CFAP77: variants seen among roughly 807,000 people sequenced by gnomAD.
CFAP77 encodes the protein cilia and flagella associated protein 77.
CFAP77 carries 25 observed loss-of-function variants against 31.1 expected under a neutral mutation model. The ratio of observed to expected loss-of-function variants is 0.80; its 90% confidence interval spans 0.59 to 1.12. The LOEUF (loss-of-function observed/expected upper bound fraction) is 1.12, where lower values mean the gene tolerates loss of function less well. CFAP77 is among the 50% of genes most tolerant of loss of function. The pLI is 0.00. For missense variants in CFAP77, 377 were observed against 397.3 expected (o/e 0.95, Z 0.44); for synonymous variants, 151 against 159.9 (o/e 0.94, Z 0.42).
intron 3 of CFAP77, among the ~76,000 whole-genome samples, chr9:132,515,274 G>A (rs929731882): frequency 6.6e-6 from 1 of 152,160 alleles, no homozygotes; most frequent in Non-Finnish European, 1.5e-5. Context: ...TCTGAGGGAA[G>A]GAGAGACTGT....
intron 1 of CFAP77, among the ~76,000 whole-genome samples, chr9:132,445,868 C>CAAAA (rs559749361): frequency 1.6e-5 from 1 of 64,364 alleles, no homozygotes; most frequent in Non-Finnish European, 3.4e-5. Context: ...GACTCGATCT[C>CAAAA]AAAAAAAAAA....
intron 3 of CFAP77, among the ~76,000 whole-genome samples, chr9:132,529,522 A>AAAAAAAC (rs1407183360): frequency 6.2e-5 from 8 of 129,766 alleles, no homozygotes; most frequent in African/African-American, 2.1e-4. Context: ...AAAAAAAACA[A>AAAAAAAC]AAAAAAAACT....
rs1253258457 is a variant in CFAP77 at position 132,410,284 on chromosome 9, A to C, written c.13A>C (p.Arg5=). MPEA[R]SSGPDLTRWR... ...GGCGACCTCAAGGATGCCAGAGGCC[A>C]GGAGCTCCGGCCCGGACCTCACGCG... The change falls in exon 1 of 6, where the codon AGG becomes CGG. Residue 5 remains arginine, a synonymous_variant. Transcript: ENST00000393216. 3 of 1,577,640 alleles carry C rather than the reference A, an allele frequency of 1.9e-6. No homozygotes were observed. Among genetic ancestry groups the C allele is most frequent in the Non-Finnish European group, 1.7e-6 (2 of 1,163,902 alleles).
At chr9:132,419,253 G>A (rs375559165) in intron 1 of CFAP77, among the ~76,000 whole-genome samples, 16 of 148,758 alleles carry the variant, frequency 1.1e-4, no homozygotes, top group African/African-American at 3.7e-4. Context: ...TGTGTGGATC[G>A]AAATCTTTTG....
At chr9:132,459,478 T>C (rs1412292358) in intron 1 of CFAP77, among the ~76,000 whole-genome samples, 1 of 151,164 alleles carries the variant, frequency 6.6e-6, no homozygotes, top group East Asian at 2.0e-4. Context: ...TGTATATGTA[T>C]TTGTGTGTAT....
rs1852610255 is a variant in CFAP77, at chr9:132,539,914, T to C, written c.630+2208T>C. On this transcript the variant is annotated intron_variant, in intron 4 of 5. Coordinates refer to ENST00000393216, the MANE Select transcript of CFAP77 (RefSeq NM_001282957.2). This position sits in a 1 kb window ranked among gnomAD's most constrained non-coding sequence, Gnocchi z 4.3. ...CATTAGAGCTGGGAGTTTTTTTTGC[T>C]GTTTGTTTATTTTTGTTTTTGTTTG... is the stretch of plus-strand genomic sequence containing the variant. Among the ~76,000 whole-genome samples, 1 of 151,310 alleles carries C rather than the reference T, an allele frequency of 6.6e-6. No homozygotes were observed. Among genetic ancestry groups the C allele is most frequent in the Non-Finnish European group, 1.5e-5 (1 of 67,784 alleles).
chr9:132,452,791 G>A (rs928909564), intron 1 of CFAP77, among the ~76,000 whole-genome samples: 14 of 152,232 alleles, frequency 9.2e-5, no homozygotes, highest in African/African-American at 3.1e-4. Flanking sequence ...TGTCCCAGAA[G>A]GAACTAAACA....
At chr9:132,467,650 T>C (rs1273552989) in intron 1 of CFAP77, among the ~76,000 whole-genome samples, 2 of 152,228 alleles carry the variant, frequency 1.3e-5, no homozygotes, top group African/African-American at 4.8e-5. Flanking sequence ...TATTCTGCCA[T>C]GAACATGAGG....
chr9:132,467,050 C>T (rs1322641915), intron 1 of CFAP77, among the ~76,000 whole-genome samples: 2 of 152,082 alleles, frequency 1.3e-5, no homozygotes, highest in Admixed American at 6.5e-5. Flanking sequence ...TGGTGGCATA[C>T]GCCTGTAATC....
At chr9:132,446,160 C>T (rs930405653) in intron 1 of CFAP77, among the ~76,000 whole-genome samples, 1 of 152,070 alleles carries the variant, frequency 6.6e-6, no homozygotes, top group African/African-American at 2.4e-5. Context: ...ATGGTGAGCA[C>T]ATGAGAACTT....
At position 132,463,168 on chromosome 9, in the gene CFAP77, C is replaced by T. The variant is rs893604050; in HGVS notation, c.196-35527C>T. Among the ~76,000 whole-genome samples the T allele has an allele frequency of 4.6e-5, 7 of 152,180 alleles. No homozygotes were observed. In the East Asian group the frequency reaches 5.8e-4, roughly 13 times the overall value. ...GGCCACTCTCAGGTGCTGTGGATGA[C>T]GTCGCAAGTCAGCCAATCTTTGCGA... On this transcript the variant is annotated intron_variant, in intron 1 of 5. Transcript: ENST00000393216.
chr9:132,421,157 G>A (rs1459071028), intron 1 of CFAP77, among the ~76,000 whole-genome samples: 1 of 152,056 alleles, frequency 6.6e-6, no homozygotes, highest in Admixed American at 6.5e-5. Flanking sequence ...ACAGGCGCCT[G>A]CCACCATACC....
intron 1 of CFAP77, among the ~76,000 whole-genome samples, chr9:132,445,863 G>A (rs535803719): frequency 1.9e-4 from 24 of 127,224 alleles, no homozygotes; most frequent in African/African-American, 7.1e-4. Flanking sequence ...AGTGAGACTC[G>A]ATCTCAAAAA....
At position 132,424,009 on chromosome 9, in the gene CFAP77, A is replaced by G. The variant is rs75310544; in HGVS notation, c.195+13543A>G. Among the ~76,000 whole-genome samples the G allele has an allele frequency of 1.8e-3, 278 of 152,304 alleles. 2 individuals are homozygous for G. The highest frequency in any genetic ancestry group is 6.4e-3 in the African/African-American group (265 of 41,572). On this transcript the variant is annotated intron_variant, in intron 1 of 5. Transcript: ENST00000393216. The surrounding 1 kb of genome is among the most constrained non-coding windows in gnomAD (Gnocchi z 4.1). ...GTTTTCTGTTCTCCAAGGACCTTACAGTCTAGTTGGGCAGAAAATTCACAT... is the reference window on the plus strand; with the variant it reads ...GTTTTCTGTTCTCCAAGGACCTTACGGTCTAGTTGGGCAGAAAATTCACAT...
intron 3 of CFAP77, among the ~76,000 whole-genome samples, chr9:132,531,621 G>A (rs1166746117): frequency 1.5e-5 from 2 of 129,320 alleles, no homozygotes; most frequent in African/African-American, 3.2e-5. Flanking sequence ...CTTAGGCTAA[G>A]ACATGGGGGG....
rs374211546 is a variant in CFAP77 at position 132,568,325 on chromosome 9, C to T, written c.733-4063C>T. Reference sequence around the variant, plus strand: ...ATCCCAACACTTTGGGAGGCCGAGGCGGGTGGATCACCTGAGGTCAAGAGT... The same window carrying T: ...ATCCCAACACTTTGGGAGGCCGAGGTGGGTGGATCACCTGAGGTCAAGAGT... On this transcript the variant is annotated intron_variant, in intron 5 of 5. Transcript: ENST00000393216. Among the ~76,000 whole-genome samples, 215 of 152,206 alleles carry T rather than the reference C, an allele frequency of 1.4e-3. 1 individual carries two copies. Among genetic ancestry groups the T allele is most frequent in the African/African-American group, 5.1e-3 (211 of 41,524 alleles).
chr9:132,525,741 C>T (rs12376178), intron 3 of CFAP77, among the ~76,000 whole-genome samples: 11,173 of 152,288 alleles, frequency 0.073, 520 homozygotes, highest in South Asian at 0.13. Context: ...CTCACACCCC[C>T]TATAGTGAAC....
intron 1 of CFAP77, among the ~76,000 whole-genome samples, chr9:132,443,114 T>C (rs1242416377): frequency 6.6e-6 from 1 of 152,228 alleles, no homozygotes; most frequent in African/African-American, 2.4e-5. Context: ...GGTTCATCCA[T>C]GTCGCAGCAA....
rs1446778037 is a variant in CFAP77 at position 132,424,565 on chromosome 9, G to T, written c.195+14099G>T. On this transcript the variant is annotated intron_variant, in intron 1 of 5. Transcript: ENST00000393216. The surrounding 1 kb of genome is among the most constrained non-coding windows in gnomAD (Gnocchi z 4.1). ...CATGAGCTTGGGTGCATTTTTAGGG[G>T]AAGTCTGGAGGAAGCACACTACCAA... 6.6e-6 allele frequency among the ~76,000 whole-genome samples: 1 copy of T among 152,182 alleles called. No individual in the cohort carries two copies.
Sources: gnomAD v4.1 joint callset for allele counts (sites outside exome capture counted in the v4.1 genomes callset) on GRCh38, gnomAD v4.1.1 for gene constraint, Gnocchi (gnomAD v3.1) non-coding constraint, MANE v1.5 for transcripts, NCBI Gene and HGNC (gene_info 2026-07-23, HGNC 2026-07-21) for gene names.